DIXDC1: variants seen among roughly 807,000 people sequenced by gnomAD.
DIXDC1 encodes dixin.
In DIXDC1, 64 loss-of-function variants were observed where a neutral mutation model predicts 103.1. The ratio of observed to expected loss-of-function variants is 0.62; its 90% CI spans 0.51 to 0.76. The LOEUF is 0.76. Ranked by LOEUF, DIXDC1 falls within the 30% of genes least tolerant of loss-of-function variation. The probability of loss-of-function intolerance (pLI) is 0.00; values close to 1 mark genes in which losing one functional copy is unlikely to be tolerated. For synonymous variants in DIXDC1, 266 were observed against 298.5 expected, an observed-to-expected ratio of 0.89 and a Z score of 1.12; for missense variants, 759 against 834.2, an observed-to-expected ratio of 0.91 and a Z score of 1.11.
chr11:111,974,971 C>G lies in DIXDC1; in HGVS notation c.644C>G (p.Ser215Cys). 6.2e-7 allele frequency: 1 copy of G among 1,611,496 alleles called. No individual in the cohort carries two copies. Among genetic ancestry groups the G allele is most frequent in the Non-Finnish European group, 8.5e-7 (1 of 1,179,092 alleles). ...GGGCAACAAAGGTCCCCGTCTGAAT[C>G]CAGCTGCTCCAGGTAACTGTGGCCT... ...YEGQQRSPSE[S>C]SCSSLTSPSP... The change falls in exon 5 of 20, where the codon TCC (serine) becomes TGC (cysteine). Residue 215 changes from serine to cysteine, a missense_variant. Physicochemically the swap from Ser to Cys is moderately radical, Grantham distance 112. This residue lies in a region of DIXDC1 where 657 missense variants were observed against 727.5 expected (regional missense o/e 0.90). Transcript: ENST00000440460.
chr11:111,989,066 A>G lies in DIXDC1; in HGVS notation c.1113+11A>G. The G allele has an allele frequency of 6.3e-7, 1 of 1,597,358 alleles. No individual in the cohort carries two copies. The highest frequency in any genetic ancestry group is 8.5e-7 in the Non-Finnish European group (1 of 1,173,772). On this transcript the variant is annotated intron_variant, in intron 10 of 19. Coordinates refer to ENST00000440460, the MANE Select transcript of DIXDC1 (RefSeq NM_001037954.4). ...TTACAGGGGATAAAGGTAAAAAAGA[A>G]GACATTTAATTCTTTAAATAAAGTC...
At chr11:111,960,341 A>G (rs1049786725) in intron 1 of DIXDC1, among the ~76,000 whole-genome samples, 4 of 151,128 alleles carry the variant, frequency 2.6e-5, no homozygotes, top group Non-Finnish European at 4.4e-5. Context: ...CACGCCTGTA[A>G]TCCCAGCACT....
At chr11:111,945,450 G>A (rs935270998) in intron 1 of DIXDC1, among the ~76,000 whole-genome samples, 4 of 152,180 alleles carry the variant, frequency 2.6e-5, no homozygotes, top group African/African-American at 9.7e-5. Flanking sequence ...ACCACTGTGT[G>A]CACAGAGGAG....
At chr11:111,954,452 C>T (rs587635261) in intron 1 of DIXDC1, among the ~76,000 whole-genome samples, 171 of 152,338 alleles carry the variant, frequency 1.1e-3, no homozygotes, top group Middle Eastern at 3.4e-3. Flanking sequence ...GACCAGATGC[C>T]TGTCCTAAAC....
intron 17 of DIXDC1, among the ~76,000 whole-genome samples, chr11:111,997,966 C>A (rs1860955368): frequency 6.6e-6 from 1 of 152,176 alleles, no homozygotes; most frequent in African/African-American, 2.4e-5. Context: ...AAAGAAGAGT[C>A]TATATTTGCT....
intron 17 of DIXDC1, among the ~76,000 whole-genome samples, chr11:112,004,910 G>C (rs1861186944): frequency 6.6e-6 from 1 of 152,072 alleles, no homozygotes; most frequent in South Asian, 2.1e-4. Context: ...TTTCTAAACA[G>C]ATACTTTTAC....
At chr11:112,015,799 C>CTTTT (rs782121271) in intron 17 of DIXDC1, among the ~76,000 whole-genome samples, 19 of 47,018 alleles carry the variant, frequency 4.0e-4, no homozygotes, top group Non-Finnish European at 5.3e-4. Flanking sequence ...GAGACCCTGT[C>CTTTT]TTTTTTTTTT....
intron 1 of DIXDC1, among the ~76,000 whole-genome samples, chr11:111,956,126 A>G (rs1434414336): frequency 2.0e-5 from 3 of 152,170 alleles, no homozygotes; most frequent in African/African-American, 7.2e-5. Flanking sequence ...GCCAATCACC[A>G]TAAGACAAAT....
Position 112,017,743 on chromosome 11 carries a change from C to G in DIXDC1, c.1863-34C>G. ...TCTTATCTTTCCAGCTATTGATCAA[C>G]AGTCTATTTTAGTGCTCTCTCCTTG... On this transcript the variant is annotated intron_variant, in intron 18 of 19. Coordinates refer to ENST00000440460, the MANE Select transcript of DIXDC1 (RefSeq NM_001037954.4). The surrounding 1 kb of genome is among the most constrained non-coding windows in gnomAD (Gnocchi z 4.0). 1 of 1,535,292 alleles carries G rather than the reference C, an allele frequency of 6.5e-7. No homozygotes were observed. The highest frequency in any genetic ancestry group is 8.9e-7 in the Non-Finnish European group (1 of 1,120,444).
chr11:111,956,208 G>A (rs1209116039), intron 1 of DIXDC1, among the ~76,000 whole-genome samples: 1 of 152,194 alleles, frequency 6.6e-6, no homozygotes, highest in African/African-American at 2.4e-5. Context: ...AATGGTGGTT[G>A]CCAAGGGCTA....
intron 17 of DIXDC1, among the ~76,000 whole-genome samples, chr11:112,014,980 G>C (rs1555177569): frequency 6.6e-6 from 1 of 151,930 alleles, no homozygotes; most frequent in African/African-American, 2.4e-5. Context: ...TGCCTCCCAG[G>C]TTCAAGCGAT....
intron 5 of DIXDC1, chr11:111,975,779 G>A: frequency 1.0e-6 from 1 of 985,250 alleles, no homozygotes; most frequent in Non-Finnish European, 1.2e-6. Context: ...TATGTTATGT[G>A]TCCTTGTTTT....
chr11:111,994,635 A>T (rs1860827263), intron 14 of DIXDC1, among the ~76,000 whole-genome samples: 1 of 150,998 alleles, frequency 6.6e-6, no homozygotes, highest in Admixed American at 6.6e-5. Flanking sequence ...TATATGTATG[A>T]ATATATATAT....
In DIXDC1 at chr11:111,976,076, A is replaced by C; in HGVS notation, c.656+1093A>C. The C allele has an allele frequency of 1.1e-5, 3 of 266,892 alleles. No individual in the cohort carries two copies. The highest frequency in any genetic ancestry group is 1.7e-5 in the Non-Finnish European group (3 of 173,082). 16.5% of individuals were successfully genotyped at this position (266,892 alleles called of 1,614,324 possible). A position where few individuals can be genotyped will look rare whatever the true frequency, so the allele number is the denominator to read the frequency against. ...CTCAGAAGACATCTTCATCACCCCAAAAGGAAGCCCTGCGCCCATTAAGCA... is the reference window on the plus strand; with the variant it reads ...CTCAGAAGACATCTTCATCACCCCACAAGGAAGCCCTGCGCCCATTAAGCA... On this transcript the variant is annotated intron_variant, in intron 5 of 19. Coordinates refer to ENST00000440460, the MANE Select transcript of DIXDC1 (RefSeq NM_001037954.4). This position sits in a 1 kb window ranked among gnomAD's most constrained non-coding sequence, Gnocchi z 4.3.
Position 111,992,461 on chromosome 11 carries a change from A to T in DIXDC1, c.1160A>T (p.Gln387Leu). The T allele has an allele frequency of 6.3e-7, 1 of 1,583,436 alleles. No homozygotes were observed. The highest frequency in any genetic ancestry group is 8.6e-7 in the Non-Finnish European group (1 of 1,164,206). ...ACTCAGCAGGACACATCTGTTCTTC[A>T]GCTCAAACAAGAGCTACTGAGGGCA... Reference protein sequence around the residue: ...RLTQQDTSVLQLKQELLRANM... With the variant: ...RLTQQDTSVLLLKQELLRANM... The change falls in exon 11 of 20, where the codon CAG becomes CTG. Residue 387 changes from glutamine (Q) to leucine (L), a missense_variant. This residue lies in a region of DIXDC1 where 657 missense variants were observed against 727.5 expected (regional missense o/e 0.90). Coordinates refer to ENST00000440460, the MANE Select transcript of DIXDC1 (RefSeq NM_001037954.4).
At chr11:112,011,802 G>A (rs988963680) in intron 17 of DIXDC1, among the ~76,000 whole-genome samples, 15 of 151,868 alleles carry the variant, frequency 9.9e-5, no homozygotes, top group African/African-American at 3.4e-4. Context: ...GGAGCCTGTC[G>A]TGGAGGGGGG....
intron 17 of DIXDC1, among the ~76,000 whole-genome samples, chr11:112,004,114 GTATA>G (rs587669386): frequency 6.7e-6 from 1 of 148,678 alleles, no homozygotes; most frequent in Non-Finnish European, 1.5e-5. Flanking sequence ...GTGTATATGT[GTATA>G]TATATATGTG....
In DIXDC1 at chr11:111,977,110, A is replaced by T. The variant is rs1346576772; in HGVS notation, c.656+2127A>T. The T allele has an allele frequency of 3.8e-6, 1 of 262,332 alleles. No homozygotes were observed. Among genetic ancestry groups the T allele is most frequent in the Non-Finnish European group, 5.9e-6 (1 of 168,630 alleles). 16.3% of individuals were successfully genotyped at this position (262,332 alleles called of 1,614,324 possible). A position where few individuals can be genotyped will look rare whatever the true frequency, so the allele number is the denominator to read the frequency against. ...TCCCCTGCCTATCCTGAGGCTCCCA[A>T]TCTCCTCTCCTCGCATCCCCCAACC... On this transcript the variant is annotated intron_variant, in intron 5 of 19. Coordinates refer to ENST00000440460, the MANE Select transcript of DIXDC1 (RefSeq NM_001037954.4). This position sits in a 1 kb window ranked among gnomAD's most constrained non-coding sequence, Gnocchi z 6.1.
chr11:111,972,386 T>G (rs1366952938), intron 3 of DIXDC1, among the ~76,000 whole-genome samples: 1 of 152,188 alleles, frequency 6.6e-6, no homozygotes, highest in African/African-American at 2.4e-5. Flanking sequence ...GAGGGAACAC[T>G]GCCATTTAGG....
Sources: gnomAD v4.1 joint callset for allele counts (sites outside exome capture counted in the v4.1 genomes callset) on GRCh38, gnomAD v4.1.1 for gene constraint, gnomAD v4.1.1 regional missense constraint, Gnocchi (gnomAD v3.1) non-coding constraint, MANE v1.5 for transcripts, NCBI Gene and HGNC (gene_info 2026-07-23, HGNC 2026-07-21) for gene names.